ABCA1: variants seen among roughly 807,000 people sequenced by gnomAD.
The protein encoded by ABCA1 is ATP binding cassette subfamily A member 1.
A neutral mutation model predicts 262.5 loss-of-function variants in ABCA1; 133 were observed. The ratio of observed to expected loss-of-function variants is 0.51; its 90% CI spans 0.44 to 0.59. The LOEUF is 0.59. ABCA1 is among the 20% of genes least tolerant of loss of function. ABCA1 has a pLI of 0.00. For missense variants in ABCA1, 2,452 were observed against 2,777.5 expected, an observed-to-expected ratio of 0.88 and a Z score of 2.63; for synonymous variants, 1,022 against 1,043.5, an observed-to-expected ratio of 0.98 and a Z score of 0.40.
Position 104,812,688 on chromosome 9 carries a change from A to G in ABCA1, c.3936T>C (p.Asp1312=). The change falls in exon 28 of 50, where the codon GAT becomes GAC. Residue 1312 remains aspartate (D), a synonymous_variant. Transcript: ENST00000374736. ...SRETDLLSGM[D]GKGSYQVKGW... ...CTTTCACCTGGTAGGACCCTTTGCC[A>G]TCCATCCCACTGAGCAAGTCTGTCT... is the stretch of plus-strand genomic sequence containing the variant. The G allele has an allele frequency of 6.2e-7, 1 of 1,614,220 alleles. No individual in the cohort carries two copies. The highest frequency in any genetic ancestry group is 8.5e-7 in the Non-Finnish European group (1 of 1,180,032).
intron 40 of ABCA1, 56 bp from the exon 41 acceptor site, chr9:104,793,356 C>T: frequency 6.2e-7 from 1 of 1,612,964 alleles, no homozygotes; most frequent in Non-Finnish European, 8.5e-7. Flanking sequence ...AACCATGGCC[C>T]TTCCTCAAAT....
At chr9:104,908,188 G>A (rs902788378) in intron 1 of ABCA1, among the ~76,000 whole-genome samples, 2 of 152,184 alleles carry the variant, frequency 1.3e-5, no homozygotes, top group Admixed American at 1.3e-4. Flanking sequence ...TCAATACACT[G>A]TGGAATTGTA....
At chr9:104,824,664 C>T (rs778315835) in intron 17 of ABCA1, 86 bp from the exon 18 acceptor site, 9 of 1,470,086 alleles carry the variant, frequency 6.1e-6, no homozygotes, top group Non-Finnish European at 8.5e-6. Flanking sequence ...TCCTCCTTGA[C>T]ACATCCTTTG....
Position 104,784,289 on chromosome 9 carries a change from C to T in ABCA1, c.*26G>A, listed in dbSNP as rs575454176. 5 of 1,613,938 alleles carry T rather than the reference C, an allele frequency of 3.1e-6. No homozygotes were observed. In the South Asian group the frequency reaches 4.4e-5, roughly 14 times the overall value. ...GGAAAGTCTAGTTCCTCTTTACTTT[C>T]AGCCACCCCGTATGAACAGGATTCT... On this transcript the variant is annotated 3_prime_UTR_variant, in exon 50 of 50. Coordinates refer to ENST00000374736, the MANE Select transcript of ABCA1 (RefSeq NM_005502.4).
At chr9:104,814,048 A>G in intron 27 of ABCA1, 70 bp downstream of exon 27, 1 of 1,510,594 alleles carries the variant, frequency 6.6e-7, no homozygotes, top group South Asian at 1.1e-5. Context: ...TCCAAAGAAA[A>G]CAGGTGAGAG....
intron 7 of ABCA1, among the ~76,000 whole-genome samples, chr9:104,857,208 C>T (rs1292292015): frequency 6.6e-6 from 1 of 151,040 alleles, no homozygotes; most frequent in African/African-American, 2.4e-5. Flanking sequence ...GAGGCTGAGG[C>T]ATGAGAATCA....
chr9:104,858,978 C>T (rs954316442), intron 6 of ABCA1, among the ~76,000 whole-genome samples: 1 of 152,208 alleles, frequency 6.6e-6, no homozygotes, highest in African/African-American at 2.4e-5. Context: ...GAGTCCAACT[C>T]GTTTTCTTAA....
intron 1 of ABCA1, among the ~76,000 whole-genome samples, chr9:104,923,240 C>G (rs1219040498): frequency 6.6e-6 from 1 of 152,192 alleles, no homozygotes; most frequent in Non-Finnish European, 1.5e-5. Flanking sequence ...CAGTTCACTT[C>G]TCTTTTTCCT....
intron 30 of ABCA1, among the ~76,000 whole-genome samples, chr9:104,808,982 G>A (rs950752888): frequency 6.6e-6 from 1 of 152,120 alleles, no homozygotes. Flanking sequence ...TTTAAAAGGG[G>A]GTTTTGAAGG....
chr9:104,864,168 G>A (rs1836871824), intron 5 of ABCA1, among the ~76,000 whole-genome samples: 1 of 152,212 alleles, frequency 6.6e-6, no homozygotes, highest in Non-Finnish European at 1.5e-5. Context: ...CCAGTGAAGG[G>A]TAGCTGAATA....
At chr9:104,926,897 T>C (rs959678418) in intron 1 of ABCA1, among the ~76,000 whole-genome samples, 2 of 152,222 alleles carry the variant, frequency 1.3e-5, no homozygotes, top group African/African-American at 4.8e-5. Flanking sequence ...CCGCAGGCTC[T>C]CCTAAGTCTT....
chr9:104,871,028 A>G (rs898377504), intron 5 of ABCA1, among the ~76,000 whole-genome samples: 9 of 152,224 alleles, frequency 5.9e-5, no homozygotes, highest in African/African-American at 2.2e-4. Flanking sequence ...CAGTTACTTC[A>G]GGCCATCTGG....
intron 11 of ABCA1, among the ~76,000 whole-genome samples, chr9:104,833,369 A>G (rs760751097): frequency 2.6e-5 from 4 of 152,006 alleles, no homozygotes; most frequent in East Asian, 1.9e-4. Context: ...TTTCATAGAG[A>G]CAGAGTCTTG....
chr9:104,911,764 C>G (rs374635922), intron 1 of ABCA1, among the ~76,000 whole-genome samples: 9 of 152,260 alleles, frequency 5.9e-5, no homozygotes, highest in East Asian at 3.9e-4. Flanking sequence ...GGTACTCCCC[C>G]CTGAAACTGT....
intron 13 of ABCA1, 43 bp downstream of exon 13, chr9:104,831,579 G>T: frequency 1.3e-6 from 2 of 1,539,428 alleles, no homozygotes; most frequent in Non-Finnish European, 1.8e-6. Flanking sequence ...TAGGTGCTCT[G>T]GACCTCCCCA....
intron 9 of ABCA1, 94 bp downstream of exon 9, chr9:104,840,179 ATCTAAC>A: frequency 6.3e-7 from 1 of 1,598,478 alleles, no homozygotes; most frequent in South Asian, 1.1e-5. Flanking sequence ...GCATGTAGAC[ATCTAAC>A]GCTGCTACAG....
chr9:104,855,149 C>G lies in ABCA1; in HGVS notation c.720+3373G>C, dbSNP rs1835728957. 9 of 985,222 alleles carry G rather than the reference C, an allele frequency of 9.1e-6. No homozygotes were observed. The South Asian group carries it at 4.2e-4, about 46-fold the overall frequency. 61.0% of individuals were successfully genotyped at this position (985,222 alleles called of 1,614,324 possible). A position where few individuals can be genotyped will look rare whatever the true frequency, so the allele number is the denominator to read the frequency against. ...TTCACTGAAATACTCACCAGGACCA[C>G]TTCGCTTGGTATGAGTTCTAACACT... is the stretch of plus-strand genomic sequence containing the variant. On this transcript the variant is annotated intron_variant, in intron 7 of 49. Transcript: ENST00000374736.
intron 5 of ABCA1, among the ~76,000 whole-genome samples, chr9:104,878,247 A>G (rs550604455): frequency 6.6e-6 from 1 of 152,348 alleles, no homozygotes; most frequent in South Asian, 2.1e-4. Flanking sequence ...TTTAGCCACC[A>G]CACCACTCAA....
rs1299463222 is a variant in ABCA1 at position 104,812,479 on chromosome 9, A to AGATT, written c.4050+94_4050+95insAATC. ...ACAGATAAATCTGGCTCCGGCATCC[A>AGATT]TATCTTGACCAGGATGCTATCCTGC... is the stretch of plus-strand genomic sequence containing the variant. On this transcript the variant is annotated intron_variant, in intron 28 of 49. Coordinates refer to ENST00000374736, the MANE Select transcript of ABCA1 (RefSeq NM_005502.4). 3,437 of 1,519,126 alleles carry AGATT rather than the reference A, an allele frequency of 2.3e-3. 60 individuals carry two copies. In the African/African-American group the frequency reaches 0.042, roughly 19 times the overall value. The allele number at this position is 1,519,126 out of a possible 1,614,324, so 94.1% of individuals were successfully genotyped here. A position where few individuals can be genotyped will look rare whatever the true frequency, so the allele number is the denominator to read the frequency against.
Sources: gnomAD v4.1 joint callset for allele counts (sites outside exome capture counted in the v4.1 genomes callset) on GRCh38, gnomAD v4.1.1 for gene constraint, MANE v1.5 for transcripts, NCBI Gene and HGNC (gene_info 2026-07-23, HGNC 2026-07-21) for gene names.